The following FBXO3 variants were observed in gnomAD, a reference collection of about 807,000 sequenced individuals.
The protein encoded by FBXO3 is F-box only protein 3.
Under a neutral mutation model 64.8 loss-of-function variants are expected in FBXO3, and 17 were observed. That is an observed-to-expected ratio of 0.26 (90% confidence interval 0.18 to 0.39). The LOEUF is 0.39. FBXO3 is among the 10% of genes least tolerant of loss of function. The pLI is 1.00. For synonymous variants in FBXO3, 182 were observed against 201.6 expected (o/e 0.90, Z 0.82); for missense variants, 420 against 589.9 (o/e 0.71, Z 2.98).
chr11:33,771,754 C>T (rs1333620448), intron 1 of FBXO3: 1 of 152,210 alleles, frequency 6.6e-6, no homozygotes, highest in Non-Finnish European at 1.5e-5. Context: ...TCATCCTTTT[C>T]TGCCAAGCTC....
rs1293729064 is a variant in FBXO3, at chr11:33,742,096, A to G, written c.1240-12T>C. 1 of 1,539,056 alleles carries G rather than the reference A, an allele frequency of 6.5e-7. No individual in the cohort carries two copies. ...TCAGGACCCATTTCCTTGAAAGAGA[A>G]AACAATCTTTTGATAAGAAGAGCAT... On this transcript the variant is annotated splice_polypyrimidine_tract_variant and intron_variant, in intron 10 of 10. Coordinates refer to ENST00000265651, the MANE Select transcript of FBXO3 (RefSeq NM_012175.4).
intron 7 of FBXO3, among the ~76,000 whole-genome samples, 177 bp from the exon 8 acceptor site, chr11:33,750,838 A>G (rs996166345): frequency 6.6e-6 from 1 of 152,182 alleles, no homozygotes; most frequent in Non-Finnish European, 1.5e-5. Context: ...CAAACTACAA[A>G]ACCTTGGTGA....
In FBXO3 at chr11:33,747,199, C is replaced by A. The variant is rs141615775; in HGVS notation, c.1170G>T (p.Lys390Asn). 8 of 1,611,402 alleles carry A rather than the reference C, an allele frequency of 5.0e-6. No homozygotes were observed. The highest frequency in any genetic ancestry group is 6.8e-6 in the Non-Finnish European group (8 of 1,179,292). The change falls in exon 10 of 11, where the codon AAG (lysine) becomes AAT (asparagine). Residue 390 changes from lysine to asparagine, a missense_variant. Lys to Asn is a moderately conservative substitution (Grantham distance 94). This residue lies in a region of FBXO3 where 337 missense variants were observed against 518.4 expected (regional missense o/e 0.65). Coordinates refer to ENST00000265651, the MANE Select transcript of FBXO3 (RefSeq NM_012175.4). ...ATCGGGGAATGGCAACATTAAAGAT[C>A]TTGTCTTTAAAGTAAAGAAAATGGA... ...YTFHFLYFKD[K>N]IFNVAIPRFH...
At chr11:33,744,340 A>C (rs559146034) in intron 10 of FBXO3, 1 of 152,368 alleles carries the variant, frequency 6.6e-6, no homozygotes, top group South Asian at 2.1e-4. Flanking sequence ...AGATGCAGAG[A>C]GGAACACACA....
At position 33,743,384 on chromosome 11, in the gene FBXO3, T is replaced by C. The variant is rs1854733955; in HGVS notation, c.1240-1300A>G. The C allele has an allele frequency of 1.3e-5, 2 of 152,246 alleles. No homozygotes were observed. The highest frequency in any genetic ancestry group is 6.5e-5 in the Admixed American group (1 of 15,288). 9.4% of individuals were successfully genotyped at this position (152,246 alleles called of 1,614,324 possible). A position where few individuals can be genotyped will look rare whatever the true frequency, so the allele number is the denominator to read the frequency against. On this transcript the variant is annotated intron_variant, in intron 10 of 10. Coordinates refer to ENST00000265651, the MANE Select transcript of FBXO3 (RefSeq NM_012175.4). The surrounding 1 kb of genome is among the most constrained non-coding windows in gnomAD (Gnocchi z 4.6). ...CCATGCAATGTCTGTAATCAAGCCA[T>C]GACTTACTCTGCTGTCAATGTTCTC... is the stretch of plus-strand genomic sequence containing the variant.
At chr11:33,756,176 T>A (rs1855092296) in intron 4 of FBXO3, among the ~76,000 whole-genome samples, 1 of 152,252 alleles carries the variant, frequency 6.6e-6, no homozygotes, top group Admixed American at 6.5e-5. Context: ...GATTCTGATT[T>A]AAATTGAAAA....
intron 10 of FBXO3, 159 bp from the exon 11 acceptor site, chr11:33,742,243 C>G (rs1854705387): frequency 5.5e-6 from 3 of 547,154 alleles, no homozygotes. Flanking sequence ...CATGCTGATG[C>G]AAGATTCTGG....
intron 5 of FBXO3, 84 bp from the exon 6 acceptor site, chr11:33,754,584 C>A: frequency 8.8e-7 from 1 of 1,131,970 alleles, no homozygotes; most frequent in South Asian, 1.7e-5. Context: ...TCCCTGGAGA[C>A]GAGGCAAAAC....
chr11:33,746,517 C>T (rs1854815720), intron 10 of FBXO3: 2 of 562,322 alleles, frequency 3.6e-6, no homozygotes, highest in South Asian at 2.5e-5. Context: ...TCCAAAGATT[C>T]AACACCTACA....
At position 33,741,969 on chromosome 11, in the gene FBXO3, T is replaced by A. The variant is rs371458712; in HGVS notation, c.1355A>T (p.Glu452Val). 6.2e-6 allele frequency: 10 copies of A among 1,613,880 alleles called. No individual in the cohort carries two copies. In the African/African-American group the frequency reaches 1.3e-4, roughly 22 times the overall value. Residue 452 changes from glutamate to valine, a missense_variant, in exon 11 of 11, where the codon GAG becomes GTG. Coordinates refer to ENST00000265651, the MANE Select transcript of FBXO3 (RefSeq NM_012175.4). The stretch of plus-strand genomic sequence containing the variant: ...AACATCAAAGACTCTCCTCCGTCTC[T>A]CCTCTTCATCATCTTCATCTGATTC... ...MDESDEDDEE[E>V]RRRRVFDVPI...
intron 10 of FBXO3, chr11:33,744,920 G>C (rs569254308): frequency 9.9e-5 from 15 of 152,082 alleles, no homozygotes; most frequent in African/African-American, 3.4e-4. Context: ...AGTTTCAGGG[G>C]GTCATGAGAC....
chr11:33,769,082 AC>A lies in FBXO3; in HGVS notation c.195-69del, dbSNP rs1855445149. 4 of 1,279,910 alleles carry A rather than the reference AC, an allele frequency of 3.1e-6. No homozygotes were observed. The African/African-American group carries it at 6.1e-5, about 20-fold the overall frequency. 79.3% of individuals were successfully genotyped at this position (1,279,910 alleles called of 1,614,324 possible). A position where few individuals can be genotyped will look rare whatever the true frequency, so the allele number is the denominator to read the frequency against. ...ATATTAGCATTTATTTTAGATACCT[AC>A]AACATATAGAAACTTGTACTTTTCC... On this transcript the variant is annotated intron_variant, in intron 2 of 10. Transcript: ENST00000265651.
At chr11:33,774,159 T>G in intron 1 of FBXO3, 1 of 471,086 alleles carries the variant, frequency 2.1e-6, no homozygotes, top group South Asian at 2.3e-5. Flanking sequence ...GGGAGAGAGA[T>G]ATCTCGTCGC....
chr11:33,770,613 A>T (rs1855488265), intron 2 of FBXO3, 128 bp downstream of exon 2: 9 of 646,394 alleles, frequency 1.4e-5, no homozygotes, highest in Non-Finnish European at 2.7e-6. Flanking sequence ...AACATTTACT[A>T]GCAGGCACGA....
chr11:33,765,340 G>A (rs577464853), intron 3 of FBXO3, among the ~76,000 whole-genome samples: 3 of 152,202 alleles, frequency 2.0e-5, no homozygotes, highest in East Asian at 1.9e-4. Context: ...TAAAAGAAAC[G>A]AAGCTGAATG....
intron 8 of FBXO3, 57 bp downstream of exon 8, chr11:33,750,482 T>C: frequency 6.3e-7 from 1 of 1,582,522 alleles, no homozygotes; most frequent in Non-Finnish European, 8.6e-7. Flanking sequence ...AATAGCAACA[T>C]GTCCATTGGA....
At position 33,741,795 on chromosome 11, in the gene FBXO3, A is replaced by G. The variant is rs190849413; in HGVS notation, c.*113T>C. 1,488 of 1,069,354 alleles carry G rather than the reference A, an allele frequency of 1.4e-3. 5 individuals are homozygous for G. The highest frequency in any genetic ancestry group is 0.013 in the Middle Eastern group (43 of 3,196). 66.2% of individuals were successfully genotyped at this position (1,069,354 alleles called of 1,614,324 possible). ...CATAGAACCCAGGGCCTGAAACAAT[A>G]TTTCATGCTAGTTTTCCTGCTATAT... On this transcript the variant is annotated 3_prime_UTR_variant, in exon 11 of 11. Coordinates refer to ENST00000265651, the MANE Select transcript of FBXO3 (RefSeq NM_012175.4).
chr11:33,774,018 C>A, intron 1 of FBXO3: 1 of 212,064 alleles, frequency 4.7e-6, no homozygotes, highest in East Asian at 1.7e-4. Flanking sequence ...GGGACAGGGG[C>A]TTTTACACAG....
rs1031917472 is a variant in FBXO3 at position 33,774,510 on chromosome 11, G to C, written c.-13C>G. The C allele has an allele frequency of 2.0e-6, 3 of 1,511,822 alleles. No individual in the cohort carries two copies. The highest frequency in any genetic ancestry group is 1.3e-5 in the South Asian group (1 of 76,858). The allele number at this position is 1,511,822 out of a possible 1,614,324, so 93.7% of individuals were successfully genotyped here. ...CCATGGCCGCCATCTTGCCTGGCCCGGTGCAGGTCTGGCCCCGCCCTGGCC... is the reference window on the plus strand; with the variant it reads ...CCATGGCCGCCATCTTGCCTGGCCCCGTGCAGGTCTGGCCCCGCCCTGGCC... On this transcript the variant is annotated 5_prime_UTR_variant, in exon 1 of 11. Coordinates refer to ENST00000265651, the MANE Select transcript of FBXO3 (RefSeq NM_012175.4).
Sources: gnomAD v4.1 joint callset for allele counts (sites outside exome capture counted in the v4.1 genomes callset) on GRCh38, gnomAD v4.1.1 for gene constraint, gnomAD v4.1.1 regional missense constraint, Gnocchi (gnomAD v3.1) non-coding constraint, MANE v1.5 for transcripts, NCBI Gene and HGNC (gene_info 2026-07-23, HGNC 2026-07-21) for gene names.